The following COL22A1 variants were observed in gnomAD, a reference collection of about 807,000 sequenced individuals.
The protein encoded by COL22A1 is collagen type XXII alpha 1 chain.
COL22A1 carries 221 observed loss-of-function variants against 248.9 expected under a neutral mutation model. That is an observed-to-expected ratio of 0.89 (90% CI 0.80 to 0.99). The LOEUF is 0.99. Ranked by LOEUF, COL22A1 falls within the 50% of genes least tolerant of loss-of-function variation. The pLI is 0.00. For missense variants in COL22A1, 2,240 were observed against 2,179.0 expected (o/e 1.03, Z -0.56); for synonymous variants, 891 against 793.4 (o/e 1.12, Z -2.07).
intron 35 of COL22A1, 65 bp downstream of exon 35, chr8:138,693,581 G>A: frequency 6.7e-7 from 1 of 1,483,866 alleles, no homozygotes; most frequent in South Asian, 1.2e-5. Context: ...ATAGAGCAGA[G>A]CAGACACTGG....
At position 138,660,479 on chromosome 8, in the gene COL22A1, C is replaced by A; in HGVS notation, c.3242G>T (p.Gly1081Val). 1 of 1,613,530 alleles carries A rather than the reference C, an allele frequency of 6.2e-7. No homozygotes were observed. The highest frequency in any genetic ancestry group is 8.5e-7 in the Non-Finnish European group (1 of 1,179,476). ...PGPQGPAGRD[G>V]APGNPGERGP... is the part of the protein sequence containing the mutation. The stretch of plus-strand genomic sequence containing the variant: ...TCTTTCTCCTGGATTTCCTGGTGCA[C>A]CCTAAGAGAAGAAGGAAATAAAACA... Residue 1081 changes from glycine (G) to valine (V), a missense_variant and splice_region_variant, in exon 44 of 65, where the codon GGT (glycine) becomes GTT (valine). Coordinates refer to ENST00000303045, the MANE Select transcript of COL22A1 (RefSeq NM_152888.3).
intron 12 of COL22A1, among the ~76,000 whole-genome samples, chr8:138,788,188 A>G (rs1413232095): frequency 6.6e-6 from 1 of 152,132 alleles, no homozygotes; most frequent in Non-Finnish European, 1.5e-5. Flanking sequence ...CCCCAGACAT[A>G]CTAAATCAGA....
chr8:138,668,393 TATAC>T (rs1329316502), intron 41 of COL22A1, among the ~76,000 whole-genome samples: 1 of 152,138 alleles, frequency 6.6e-6, no homozygotes, highest in Non-Finnish European at 1.5e-5. Flanking sequence ...AAAATTTATA[TATAC>T]ACACACACAC....
In COL22A1 at chr8:138,756,896, G is replaced by A. The variant is rs565834681; in HGVS notation, c.1903-1067C>T. Among the ~76,000 whole-genome samples, 15 of 152,048 alleles carry A rather than the reference G, an allele frequency of 9.9e-5. No homozygotes were observed. The East Asian group carries it at 2.1e-3, about 22-fold the overall frequency. On this transcript the variant is annotated intron_variant, in intron 18 of 64. Coordinates refer to ENST00000303045, the MANE Select transcript of COL22A1 (RefSeq NM_152888.3). ...CATCAAGTGTTTTTCTAAAAATCCC[G>A]ATCCATCATGTTTTATGTCAAAAAC...
At position 138,700,151 on chromosome 8, in the gene COL22A1, A is replaced by G; in HGVS notation, c.2560-7T>C. ...GTGGTGTGAACAGGGATGTCTGAAA[A>G]GGAAACCACAGAGATTAGAAAGATG... On this transcript the variant is annotated splice_region_variant and splice_polypyrimidine_tract_variant and intron_variant, in intron 31 of 64. Coordinates refer to ENST00000303045, the MANE Select transcript of COL22A1 (RefSeq NM_152888.3). The G allele has an allele frequency of 6.2e-7, 1 of 1,613,162 alleles. No individual in the cohort carries two copies. The highest frequency in any genetic ancestry group is 8.5e-7 in the Non-Finnish European group (1 of 1,179,674).
intron 1 of COL22A1, among the ~76,000 whole-genome samples, chr8:138,908,104 C>G (rs1223226020): frequency 1.3e-5 from 2 of 152,192 alleles, no homozygotes; most frequent in East Asian, 3.9e-4. Context: ...GCACCACTTC[C>G]CACTGGGTCC....
Position 138,737,560 on chromosome 8 carries a change from C to T in COL22A1, c.2103G>A (p.Met701Ile), listed in dbSNP as rs760725161. 3.7e-6 allele frequency: 6 copies of T among 1,611,338 alleles called. No homozygotes were observed. The highest frequency in any genetic ancestry group is 5.1e-6 in the Non-Finnish European group (6 of 1,177,702). ...LQGLRGKKGD[M>I]GPPGIPGLLG... ...GCAATCCAGGGATTCCAGGTGGTCC[C>T]ATGTCACCTTTCTTCCCCTGAGTGT... Residue 701 changes from methionine to isoleucine, a missense_variant, in exon 23 of 65, where the codon ATG becomes ATA. Transcript: ENST00000303045.
chr8:138,624,874 C>T (rs1179909470), intron 51 of COL22A1, among the ~76,000 whole-genome samples: 1 of 152,206 alleles, frequency 6.6e-6, no homozygotes, highest in Non-Finnish European at 1.5e-5. Flanking sequence ...ATTCATTCAT[C>T]CACATGTTTC....
chr8:138,593,029 A>AT (rs2131780493), intron 63 of COL22A1, among the ~76,000 whole-genome samples: 1 of 152,302 alleles, frequency 6.6e-6, no homozygotes, highest in South Asian at 2.1e-4. Context: ...ATGGAATACT[A>AT]TGCAGCCATA....
intron 41 of COL22A1, among the ~76,000 whole-genome samples, chr8:138,670,079 G>T (rs1587821817): frequency 1.3e-5 from 2 of 151,990 alleles, no homozygotes; most frequent in African/African-American, 4.8e-5. Context: ...TAGAGATGTG[G>T]TTTCACCATG....
intron 25 of COL22A1, 27 bp downstream of exon 25, chr8:138,724,588 A>C: frequency 6.2e-7 from 1 of 1,610,696 alleles, no homozygotes; most frequent in South Asian, 1.1e-5. Context: ...GGAGGAGGGG[A>C]GCAGGAAGAT....
intron 11 of COL22A1, among the ~76,000 whole-genome samples, chr8:138,798,608 G>A (rs931871241): frequency 1.3e-5 from 2 of 151,908 alleles, no homozygotes; most frequent in East Asian, 1.9e-4. Context: ...TATTACATGC[G>A]TGTTTGTTAA....
rs201740917 is a variant in COL22A1 at position 138,806,153 on chromosome 8, GGTGT to G, written c.1494+1611_1494+1614del. On this transcript the variant is annotated intron_variant, in intron 10 of 64. Coordinates refer to ENST00000303045, the MANE Select transcript of COL22A1 (RefSeq NM_152888.3). ...TGGTGTGTGGTGGTGTGTGTGTGAT[GGTGT>G]GTGTGTGTGATGGTGTAAGTAATGG... Among the ~76,000 whole-genome samples, 296 of 109,068 alleles carry G rather than the reference GGTGT, an allele frequency of 2.7e-3. 4 individuals carry two copies. The highest frequency in any genetic ancestry group is 0.011 in the African/African-American group (277 of 25,774). The allele number at this position is 109,068 out of a possible 152,430, so 71.6% of individuals were successfully genotyped here. A position where few individuals can be genotyped will look rare whatever the true frequency, so the allele number is the denominator to read the frequency against.
chr8:138,826,887 T>C (rs1229037489), intron 5 of COL22A1, 106 bp from the exon 6 acceptor site: 4 of 1,353,832 alleles, frequency 3.0e-6, no homozygotes, highest in Admixed American at 4.1e-5. Flanking sequence ...CAATTTGACT[T>C]CCTAAATATT....
intron 3 of COL22A1, among the ~76,000 whole-genome samples, chr8:138,865,795 G>A (rs934454439): frequency 2.1e-5 from 3 of 143,810 alleles, no homozygotes; most frequent in East Asian, 2.1e-4. Flanking sequence ...TTGTATGCCT[G>A]TGTGTGTGTG....
At chr8:138,608,036 C>G (rs1252413070) in intron 56 of COL22A1, 47 bp from the exon 57 acceptor site, 1 of 1,583,552 alleles carries the variant, frequency 6.3e-7, no homozygotes, top group African/African-American at 1.3e-5. Context: ...CATCAAAGAG[C>G]AGGACGGTGG....
At chr8:138,792,675 T>C (rs1416768496) in intron 12 of COL22A1, among the ~76,000 whole-genome samples, 1 of 152,174 alleles carries the variant, frequency 6.6e-6, no homozygotes, top group Non-Finnish European at 1.5e-5. Flanking sequence ...TGAAGTTGCT[T>C]CATTTACCAG....
intron 36 of COL22A1, among the ~76,000 whole-genome samples, chr8:138,689,375 TTGAG>T (rs1420956341): frequency 1.3e-5 from 2 of 152,144 alleles, no homozygotes; most frequent in Non-Finnish European, 2.9e-5. Context: ...AAGGTTGACT[TTGAG>T]ACATGGTTTA....
chr8:138,890,118 A>G (rs1173231467), intron 1 of COL22A1, among the ~76,000 whole-genome samples: 1 of 152,196 alleles, frequency 6.6e-6, no homozygotes, highest in Middle Eastern at 3.2e-3. Flanking sequence ...CATAAGCAGA[A>G]TGAAGGGAAG....
Sources: gnomAD v4.1 joint callset for allele counts (sites outside exome capture counted in the v4.1 genomes callset) on GRCh38, gnomAD v4.1.1 for gene constraint, MANE v1.5 for transcripts, NCBI Gene and HGNC (gene_info 2026-07-23, HGNC 2026-07-21) for gene names.